ZFHX3: variants seen among roughly 807,000 people sequenced by gnomAD.
The protein encoded by ZFHX3 is zinc finger homeobox 3, also known as zinc finger homeobox protein 3.
In ZFHX3, 42 loss-of-function variants were observed where a neutral mutation model predicts 279.1. The ratio of observed to expected loss-of-function variants is 0.15; its 90% CI spans 0.12 to 0.19. The LOEUF (loss-of-function observed/expected upper bound fraction) is 0.19. Ranked by LOEUF, ZFHX3 falls within the 10% of genes least tolerant of loss-of-function variation. ZFHX3 has a pLI of 1.00. For missense variants in ZFHX3, 4,981 were observed against 4,754.0 expected, an observed-to-expected ratio of 1.05 and a Z score of -1.40; for synonymous variants, 2,293 against 1,957.8, an observed-to-expected ratio of 1.17 and a Z score of -4.52.
intron 4 of ZFHX3, among the ~76,000 whole-genome samples, chr16:73,271,790 C>G (rs1258670739): frequency 6.6e-6 from 1 of 152,184 alleles, no homozygotes; most frequent in Non-Finnish European, 1.5e-5. Flanking sequence ...TGCCCTCCAC[C>G]GAACTGCCTT....
chr16:72,865,978 C>A (rs964345689), intron 4 of ZFHX3, among the ~76,000 whole-genome samples: 1 of 152,150 alleles, frequency 6.6e-6, no homozygotes, highest in Non-Finnish European at 1.5e-5. Context: ...CTTCTCTGAG[C>A]TCAACATACT....
In ZFHX3 at chr16:72,796,550, A is replaced by C; in HGVS notation, c.6132T>G (p.Pro2044=). The C allele has an allele frequency of 4.7e-6, 1 of 214,640 alleles. No homozygotes were observed. 13.3% of individuals were successfully genotyped at this position (214,640 alleles called of 1,614,324 possible). A position where few individuals can be genotyped will look rare whatever the true frequency, so the allele number is the denominator to read the frequency against. ...CCGGAAGTGGGGGTGGAGGGGGTGGAGGGGGAGGTGGTGGTGGCTCTGGGG... is the reference window on the plus strand; with the variant it reads ...CCGGAAGTGGGGGTGGAGGGGGTGGCGGGGGAGGTGGTGGTGGCTCTGGGG... ...PQTPEPPPPP[P]PPPPPPLPAA... Residue 2044 remains proline (P), a synonymous_variant, in exon 9 of 10, where the codon CCT becomes CCG. Transcript: ENST00000268489.
chr16:72,815,792 A>G (rs1239925593), intron 5 of ZFHX3, among the ~76,000 whole-genome samples: 1 of 152,202 alleles, frequency 6.6e-6, no homozygotes, highest in Non-Finnish European at 1.5e-5. Flanking sequence ...AGTTTAGACA[A>G]TTGGTGTCTG....
intron 3 of ZFHX3, chr16:73,455,933 C>T (rs1355017571): frequency 6.6e-6 from 1 of 151,858 alleles, no homozygotes; most frequent in East Asian, 1.9e-4. Context: ...TGACAAACCA[C>T]ATTGCGTTAT....
At chr16:72,989,996 A>G (rs1393291779) in intron 1 of ZFHX3, among the ~76,000 whole-genome samples, 1 of 152,184 alleles carries the variant, frequency 6.6e-6, no homozygotes, top group Non-Finnish European at 1.5e-5. Context: ...ACAGGGTCCC[A>G]CAGCCAATTC....
At chr16:73,604,861 C>A (rs2052161436) in intron 2 of ZFHX3, among the ~76,000 whole-genome samples, 1 of 152,086 alleles carries the variant, frequency 6.6e-6, no homozygotes, top group Non-Finnish European at 1.5e-5. Flanking sequence ...GTTTTGGTCA[C>A]GATGTCTGGA....
chr16:73,539,433 CTTTTTTTTTTTTT>C (rs1162434013), intron 2 of ZFHX3, among the ~76,000 whole-genome samples: 1 of 65,086 alleles, frequency 1.5e-5, no homozygotes, highest in Non-Finnish European at 2.9e-5. Flanking sequence ...TCCTCTTCTT[CTTTTTTTTTTTTT>C]TTTTTTTTTT....
At chr16:73,411,137 A>G (rs2017457293) in intron 3 of ZFHX3, among the ~76,000 whole-genome samples, 1 of 152,246 alleles carries the variant, frequency 6.6e-6, no homozygotes, top group Non-Finnish European at 1.5e-5. Context: ...GCCCTGTGAC[A>G]GAGAATCCGA....
chr16:73,058,645 A>C, exon 1 of ZFHX3: 1 of 215,648 alleles, frequency 4.6e-6, no homozygotes, highest in East Asian at 8.9e-5. Context: ...GGAGCCCATC[A>C]AGGCAGCAGC....
intron 5 of ZFHX3, among the ~76,000 whole-genome samples, chr16:72,826,148 G>A (rs1313128931): frequency 6.6e-6 from 1 of 152,114 alleles, no homozygotes; most frequent in African/African-American, 2.4e-5. Flanking sequence ...CTTGCTTGCT[G>A]TGCTGCCACC....
Position 73,223,422 on chromosome 16 carries a change from G to A in ZFHX3, c.-1104+33625C>T, listed in dbSNP as rs548685411. On this transcript the variant is annotated intron_variant, in intron 5 of 17. Coordinates refer to the ZFHX3 transcript ENST00000641206. Reference sequence around the variant, plus strand: ...AAACGGGCTAAAGACCTTAACAGACGCCTCACCAAAGAAGATATATAGATG... The same window carrying A: ...AAACGGGCTAAAGACCTTAACAGACACCTCACCAAAGAAGATATATAGATG... Among the ~76,000 whole-genome samples, 45 of 152,110 alleles carry A rather than the reference G, an allele frequency of 3.0e-4. 1 individual carries two copies. In the Middle Eastern group the frequency reaches 0.01, roughly 34 times the overall value.
intron 2 of ZFHX3, among the ~76,000 whole-genome samples, chr16:73,559,040 CTT>C (rs549093748): frequency 1.3e-5 from 2 of 150,282 alleles, no homozygotes; most frequent in Admixed American, 6.6e-5. Context: ...AAGCACTCCT[CTT>C]TTTGTGTGTG....
intron 3 of ZFHX3, among the ~76,000 whole-genome samples, chr16:73,329,523 C>G (rs2143221853): frequency 6.6e-6 from 1 of 152,348 alleles, no homozygotes; most frequent in East Asian, 1.9e-4. Context: ...GGAACACGGC[C>G]CCTTGCATAC....
intron 2 of ZFHX3, among the ~76,000 whole-genome samples, chr16:73,654,946 C>T (rs1160073038): frequency 6.0e-5 from 9 of 149,860 alleles, no homozygotes; most frequent in African/African-American, 1.7e-4. Context: ...CTGCAACTTC[C>T]GCCTCCTGGA....
chr16:73,255,507 T>C (rs904314214), intron 5 of ZFHX3, among the ~76,000 whole-genome samples: 6 of 152,204 alleles, frequency 3.9e-5, no homozygotes, highest in Non-Finnish European at 8.8e-5. Context: ...AAGAGTTTTA[T>C]ATCCAGTCCA....
At chr16:72,922,241 C>A (rs1043768744) in intron 3 of ZFHX3, among the ~76,000 whole-genome samples, 1 of 152,192 alleles carries the variant, frequency 6.6e-6, no homozygotes, top group African/African-American at 2.4e-5. Context: ...CCCAATTCCT[C>A]CTTGCAGTTA....
intron 3 of ZFHX3, among the ~76,000 whole-genome samples, chr16:73,319,313 T>G (rs1246998193): frequency 6.6e-6 from 1 of 152,014 alleles, no homozygotes; most frequent in African/African-American, 2.4e-5. Flanking sequence ...TACATGTCCC[T>G]TTATCATTTT....
chr16:73,015,501 T>C (rs1009655748), intron 1 of ZFHX3: 9 of 152,202 alleles, frequency 5.9e-5, no homozygotes, highest in African/African-American at 2.2e-4. Flanking sequence ...AGTTTGTGTG[T>C]GCTACATGTT....
At chr16:73,255,944 TAC>T (rs1373620766) in intron 5 of ZFHX3, among the ~76,000 whole-genome samples, 70 of 152,256 alleles carry the variant, frequency 4.6e-4, no homozygotes, top group African/African-American at 1.6e-3. Context: ...TGGTTGCACA[TAC>T]AAACATGATT....
Sources: gnomAD v4.1 joint callset for allele counts (sites outside exome capture counted in the v4.1 genomes callset) on GRCh38, gnomAD v4.1.1 for gene constraint, MANE v1.5 for transcripts, NCBI Gene and HGNC (gene_info 2026-07-23, HGNC 2026-07-21) for gene names.